Variants in CCDC102B observed in about 807,000 individuals in gnomAD.
CCDC102B encodes coiled-coil domain-containing protein 102B.
A neutral mutation model predicts 57.4 loss-of-function variants in CCDC102B; 75 were observed. The observed-to-expected ratio is 1.31, with a 90% CI of 1.08 to 1.58. The LOEUF (loss-of-function observed/expected upper bound fraction) is 1.58, where lower values mean the gene tolerates loss of function less well. Among genes scored for constraint, CCDC102B ranks in the 40% most tolerant of loss-of-function variants. CCDC102B has a pLI of 0.00. For synonymous variants in CCDC102B, 206 were observed against 201.9 expected (o/e 1.02, Z -0.17); for missense variants, 636 against 582.6 (o/e 1.09, Z -0.94).
intron 7 of CCDC102B, among the ~76,000 whole-genome samples, chr18:69,043,911 G>A (rs1285015760): frequency 2.6e-5 from 4 of 152,056 alleles, no homozygotes; most frequent in Non-Finnish European, 4.4e-5. Context: ...ACAGCATCAC[G>A]TGAAGGAAGT....
chr18:68,900,194 CAG>C (rs1254315970), intron 6 of CCDC102B: 1 of 152,112 alleles, frequency 6.6e-6, no homozygotes, highest in Non-Finnish European at 1.5e-5. Flanking sequence ...ACACCAGAAA[CAG>C]AGCTTCGGTG....
chr18:68,911,592 A>G (rs1207114299), intron 6 of CCDC102B, among the ~76,000 whole-genome samples: 1 of 150,076 alleles, frequency 6.7e-6, no homozygotes, highest in Non-Finnish European at 1.5e-5. Flanking sequence ...CTCTACTAAA[A>G]ATACAAAAAA....
At chr18:68,987,545 A>C (rs975014052) in intron 6 of CCDC102B, among the ~76,000 whole-genome samples, 3 of 152,174 alleles carry the variant, frequency 2.0e-5, no homozygotes, top group African/African-American at 7.2e-5. Flanking sequence ...CAGAAACAAA[A>C]ATTGACAGTG....
chr18:68,838,102 A>C (rs1263417352), intron 2 of CCDC102B, among the ~76,000 whole-genome samples: 1 of 152,228 alleles, frequency 6.6e-6, no homozygotes, highest in African/African-American at 2.4e-5. Flanking sequence ...GCAAATACCA[A>C]TAGCATGAGT....
intron 2 of CCDC102B, among the ~76,000 whole-genome samples, chr18:68,773,231 C>T (rs535675222): frequency 6.6e-6 from 1 of 151,846 alleles, no homozygotes; most frequent in South Asian, 2.1e-4. Flanking sequence ...AGGATGTCAA[C>T]AGCTGTAAAT....
At chr18:68,841,927 C>T (rs1157869235) in intron 3 of CCDC102B, among the ~76,000 whole-genome samples, 11 of 151,730 alleles carry the variant, frequency 7.2e-5, no homozygotes, top group Admixed American at 2.6e-4. Context: ...TTAGTAGAGA[C>T]GGGGTTTTGC....
At chr18:68,929,248 A>G (rs967882210) in intron 6 of CCDC102B, among the ~76,000 whole-genome samples, 3 of 151,914 alleles carry the variant, frequency 2.0e-5, no homozygotes, top group Non-Finnish European at 2.9e-5. Flanking sequence ...TCCACACAGC[A>G]GGGGTGTTGA....
At chr18:68,836,108 A>G (rs1168824831) in intron 1 of CCDC102B, among the ~76,000 whole-genome samples, 2 of 152,200 alleles carry the variant, frequency 1.3e-5, no homozygotes, top group Non-Finnish European at 2.9e-5. Flanking sequence ...TGGACAATAA[A>G]TATTACAATT....
chr18:68,852,080 A>G (rs2038153275), intron 4 of CCDC102B, among the ~76,000 whole-genome samples: 1 of 151,996 alleles, frequency 6.6e-6, no homozygotes, highest in Non-Finnish European at 1.5e-5. Flanking sequence ...TGAAAAGGAG[A>G]TTGGACCAGG....
At chr18:69,036,904 A>C (rs1351620873) in intron 7 of CCDC102B, among the ~76,000 whole-genome samples, 1 of 152,114 alleles carries the variant, frequency 6.6e-6, no homozygotes, top group Non-Finnish European at 1.5e-5. Context: ...TAGTCAGTAC[A>C]CATCCTCGAT....
intron 2 of CCDC102B, chr18:68,753,265 G>A (rs1004523749): frequency 3.3e-5 from 5 of 152,040 alleles, no homozygotes; most frequent in African/African-American, 1.2e-4. Context: ...CACTTTTCGT[G>A]CTTGAGAAAC....
At chr18:68,765,324 G>GAAAGAAAGAAA (rs2034407001) in intron 2 of CCDC102B, among the ~76,000 whole-genome samples, 50 of 60,384 alleles carry the variant, frequency 8.3e-4, no homozygotes, top group Non-Finnish European at 8.4e-4. Context: ...AAGGAAGGAA[G>GAAAGAAAGAAA]GAAAGAAAGA....
At chr18:69,026,459 A>G in intron 7 of CCDC102B, among the ~76,000 whole-genome samples, 1 of 124,690 alleles carries the variant, frequency 8.0e-6, no homozygotes. Flanking sequence ...CCCTGTCTCA[A>G]AAAAAAAAAA....
intron 6 of CCDC102B, among the ~76,000 whole-genome samples, chr18:68,998,899 C>T (rs2051110390): frequency 6.6e-6 from 1 of 151,488 alleles, no homozygotes; most frequent in Non-Finnish European, 1.5e-5. Context: ...CAGACACACC[C>T]AGGAACAATG....
At chr18:68,729,788 G>C (rs2032775383) in intron 2 of CCDC102B, among the ~76,000 whole-genome samples, 1 of 152,102 alleles carries the variant, frequency 6.6e-6, no homozygotes, top group Non-Finnish European at 1.5e-5. Flanking sequence ...GGAAAAGATT[G>C]GTTTATTAAT....
chr18:69,018,295 T>C (rs2051725868), intron 7 of CCDC102B, among the ~76,000 whole-genome samples: 1 of 152,240 alleles, frequency 6.6e-6, no homozygotes, highest in Admixed American at 6.5e-5. Context: ...TTTGTATAAA[T>C]TGCAGGATCA....
At chr18:69,022,054 A>G (rs1474124588) in intron 7 of CCDC102B, among the ~76,000 whole-genome samples, 1 of 152,152 alleles carries the variant, frequency 6.6e-6, no homozygotes, top group Non-Finnish European at 1.5e-5. Context: ...TCTGAGTTGT[A>G]TATGAGTAGA....
chr18:69,054,436 T>C lies in CCDC102B; in HGVS notation c.*299T>C. ...TTTTACATAAAATCTGAAAGAGTTATAATATCGGTAAGAAAAAGTAAGTTG... is the reference window on the plus strand; with the variant it reads ...TTTTACATAAAATCTGAAAGAGTTACAATATCGGTAAGAAAAAGTAAGTTG... On this transcript the variant is annotated 3_prime_UTR_variant, in exon 8 of 8. Coordinates refer to ENST00000360242, the MANE Select transcript of CCDC102B (RefSeq NM_024781.3). The C allele has an allele frequency of 3.8e-6, 4 of 1,045,166 alleles. No individual in the cohort carries two copies. The highest frequency in any genetic ancestry group is 4.6e-6 in the Non-Finnish European group (4 of 869,614). 64.7% of individuals were successfully genotyped at this position (1,045,166 alleles called of 1,614,324 possible). A position where few individuals can be genotyped will look rare whatever the true frequency, so the allele number is the denominator to read the frequency against.
rs976867920 is a variant in CCDC102B, at chr18:68,798,141, G to T, written c.-56G>T. The stretch of plus-strand genomic sequence containing the variant: ...GGAAATTCTGTTGTTTACACATGTG[G>T]CTGCAACTGAGACACTGGAGCAGCC... On this transcript the variant is annotated 5_prime_UTR_variant, in exon 1 of 8. Transcript: ENST00000360242. 1 of 152,112 alleles carries T rather than the reference G, an allele frequency of 6.6e-6. No homozygotes were observed. The highest frequency in any genetic ancestry group is 2.4e-5 in the African/African-American group (1 of 41,422). 9.4% of individuals were successfully genotyped at this position (152,112 alleles called of 1,614,324 possible).
Sources: allele counts gnomAD v4.1 joint callset (sites outside exome capture counted in the v4.1 genomes callset), GRCh38; gene constraint gnomAD v4.1.1; transcripts MANE v1.5; gene names NCBI Gene and HGNC (gene_info 2026-07-23, HGNC 2026-07-21).